ZNF345: variants seen among roughly 807,000 people sequenced by gnomAD.
ZNF345 encodes the protein zinc finger protein HZF10.
For synonymous variants in ZNF345, 166 were observed against 187.9 expected, an observed-to-expected ratio of 0.88 and a Z score of 0.95; for missense variants, 527 against 589.9, an observed-to-expected ratio of 0.89 and a Z score of 1.10.
intron 2 of ZNF345, among the ~76,000 whole-genome samples, chr19:36,864,154 C>T (rs534937225): frequency 1.3e-4 from 20 of 152,240 alleles, no homozygotes; most frequent in Admixed American, 7.2e-4. Context: ...TATTAACCAT[C>T]GTGGAACTAG....
At position 36,871,737 on chromosome 19, in the gene ZNF345, G is replaced by A. The variant is rs551988313; in HGVS notation, c.-46-5048G>A. ...CTTTAGTCTCTTTTAATCTGGAGCA[G>A]TCTCTCATTTTTTGTTTTATATGAC... On this transcript the variant is annotated intron_variant, in intron 2 of 2. Transcript: ENST00000420450. Among the ~76,000 whole-genome samples, 10 of 151,936 alleles carry A rather than the reference G, an allele frequency of 6.6e-5. No individual in the cohort carries two copies. In the South Asian group the frequency reaches 2.1e-3, roughly 32 times the overall value.
chr19:36,872,235 T>C (rs1053861871), intron 2 of ZNF345, among the ~76,000 whole-genome samples: 2 of 152,182 alleles, frequency 1.3e-5, no homozygotes, highest in Non-Finnish European at 2.9e-5. Context: ...CATCTTTTAT[T>C]GTATTACATT....
intron 2 of ZNF345, among the ~76,000 whole-genome samples, chr19:36,860,206 C>CT (rs1340377343): frequency 6.6e-6 from 1 of 152,184 alleles, no homozygotes. Context: ...ATCCGCCTGC[C>CT]TTGGCCTCCC....
At chr19:36,857,448 A>C (rs908681222) in intron 2 of ZNF345, among the ~76,000 whole-genome samples, 3 of 151,904 alleles carry the variant, frequency 2.0e-5, no homozygotes, top group Non-Finnish European at 4.4e-5. Flanking sequence ...CTGGGACTAC[A>C]GGCGCCCGCC....
intron 3 of ZNF345, among the ~76,000 whole-genome samples, chr19:36,886,780 G>T (rs1284680273): frequency 6.6e-6 from 1 of 151,800 alleles, no homozygotes; most frequent in Non-Finnish European, 1.5e-5. Context: ...GAGGTCAGGA[G>T]ATCGAGACCA....
intron 3 of ZNF345, chr19:36,892,033 G>A (rs370786414): frequency 6.2e-7 from 1 of 1,613,920 alleles, no homozygotes; most frequent in Non-Finnish European, 8.5e-7. Flanking sequence ...ATTAAGGTTT[G>A]AGCAATACTT....
At chr19:36,864,579 G>A (rs895365095) in intron 2 of ZNF345, among the ~76,000 whole-genome samples, 5 of 152,016 alleles carry the variant, frequency 3.3e-5, no homozygotes, top group Non-Finnish European at 7.4e-5. Context: ...TAGAGAGTCC[G>A]AGGAAGACGC....
At position 36,877,602 on chromosome 19, in the gene ZNF345, T is replaced by C. The variant is rs757678876; in HGVS notation, c.772T>C (p.Tyr258His). The C allele has an allele frequency of 6.2e-7, 1 of 1,614,078 alleles. No individual in the cohort carries two copies. ...HQRIHTGEKP[Y>H]ICNECGKAFS... is the part of the protein sequence containing the mutation. Reference sequence around the variant, plus strand: ...GAGAATTCATACCGGTGAGAAACCATATATATGTAATGAATGTGGTAAGGC... The same window carrying C: ...GAGAATTCATACCGGTGAGAAACCACATATATGTAATGAATGTGGTAAGGC... Residue 258 changes from tyrosine to histidine, a missense_variant, in exon 3 of 3, where the codon TAT becomes CAT. Tyr to His is a moderately conservative substitution (Grantham distance 83). Coordinates refer to ENST00000420450, the MANE Select transcript of ZNF345 (RefSeq NM_001242472.2).
At chr19:36,858,475 T>A (rs1321024954) in intron 2 of ZNF345, 1 of 152,146 alleles carries the variant, frequency 6.6e-6, no homozygotes, top group Non-Finnish European at 1.5e-5. Flanking sequence ...TTTAAAAAAC[T>A]ACCCAAGAGG....
chr19:36,861,346 G>A (rs1175986220), intron 2 of ZNF345, among the ~76,000 whole-genome samples: 1 of 152,174 alleles, frequency 6.6e-6, no homozygotes, highest in African/African-American at 2.4e-5. Context: ...TGGGACTGCA[G>A]TGTTCATTCT....
At chr19:36,854,235 G>GTTTTT (rs34215056) in intron 2 of ZNF345, among the ~76,000 whole-genome samples, 5 of 138,698 alleles carry the variant, frequency 3.6e-5, no homozygotes, top group Non-Finnish European at 4.8e-5. Flanking sequence ...CCTGGGTTTT[G>GTTTTT]TTTTTTTTTT....
intron 2 of ZNF345, chr19:36,854,687 C>G (rs1334178300): frequency 6.6e-6 from 1 of 151,990 alleles, no homozygotes; most frequent in African/African-American, 2.4e-5. Flanking sequence ...TTATTCTTGG[C>G]CTTCTCAAAT....
chr19:36,880,546 T>C (rs1485843030), downstream of ZNF345, among the ~76,000 whole-genome samples: 4 of 152,090 alleles, frequency 2.6e-5, no homozygotes, highest in Non-Finnish European at 5.9e-5. Context: ...CTCAGCACTT[T>C]GGGAGGCTGA....
chr19:36,891,520 A>T, intron 3 of ZNF345: 2 of 1,576,234 alleles, frequency 1.3e-6, no homozygotes, highest in Non-Finnish European at 1.7e-6. Flanking sequence ...CTCATGGCGA[A>T]TGAGGTCAGA....
chr19:36,858,541 C>T (rs556360659), intron 2 of ZNF345, among the ~76,000 whole-genome samples: 39 of 152,200 alleles, frequency 2.6e-4, no homozygotes, highest in African/African-American at 7.9e-4. Context: ...AGGCGGGCGG[C>T]GGATCACCTG....
At chr19:36,859,116 A>G (rs74770309) in intron 2 of ZNF345, among the ~76,000 whole-genome samples, 1 of 151,530 alleles carries the variant, frequency 6.6e-6, no homozygotes, top group Non-Finnish European at 1.5e-5. Flanking sequence ...AACTTTCAAA[A>G]GCTTTGGGTT....
At chr19:36,875,221 A>C (rs1384804832) in intron 2 of ZNF345, among the ~76,000 whole-genome samples, 1 of 152,222 alleles carries the variant, frequency 6.6e-6, no homozygotes, top group Non-Finnish European at 1.5e-5. Flanking sequence ...TTATCAAAAC[A>C]AAACACAAAG....
downstream of ZNF345, among the ~76,000 whole-genome samples, chr19:36,884,129 G>A (rs371979016): frequency 2.6e-4 from 39 of 152,056 alleles, no homozygotes; most frequent in African/African-American, 6.3e-4. Flanking sequence ...GCAGTGGCAC[G>A]ATCTCGGCTC....
chr19:36,856,228 A>G (rs1403522187), intron 2 of ZNF345, among the ~76,000 whole-genome samples: 1 of 152,144 alleles, frequency 6.6e-6, no homozygotes, highest in African/African-American at 2.4e-5. Flanking sequence ...CTCCCTACCT[A>G]CATTGTAAAT....
Sources: allele counts gnomAD v4.1 joint callset (sites outside exome capture counted in the v4.1 genomes callset), GRCh38; gene constraint gnomAD v4.1.1; transcripts MANE v1.5; gene names NCBI Gene and HGNC (gene_info 2026-07-23, HGNC 2026-07-21).